ADGRV1: variants seen among roughly 807,000 people sequenced by gnomAD.
The protein encoded by ADGRV1 is adhesion G protein-coupled receptor V1.
A neutral mutation model predicts 596.2 loss-of-function variants in ADGRV1; 359 were observed. The observed-to-expected ratio is 0.60, with a 90% CI of 0.55 to 0.66. The LOEUF is 0.66. Ranked by LOEUF, ADGRV1 falls within the 30% of genes least tolerant of loss-of-function variation. ADGRV1 has a pLI of 0.00. For synonymous variants in ADGRV1, 2,681 were observed against 2,679.2 expected (o/e 1.00, Z -0.02); for missense variants, 7,274 against 7,575.6 (o/e 0.96, Z 1.48).
rs1486650258 is a variant in ADGRV1 at position 90,642,735 on chromosome 5, T to C, written c.2340T>C (p.Pro780=). 4.3e-6 allele frequency: 7 copies of C among 1,613,460 alleles called. No individual in the cohort carries two copies. Among genetic ancestry groups the C allele is most frequent in the Non-Finnish European group, 5.9e-6 (7 of 1,179,598 alleles). ...DDPGGVFEFS[P]ASRGPYVIKE... ...CTGGGGGAGTTTTTGAATTTTCTCCTGCTTCCAGAGGACCCTATGTTATAA... is the reference window on the plus strand; with the variant it reads ...CTGGGGGAGTTTTTGAATTTTCTCCCGCTTCCAGAGGACCCTATGTTATAA... The change falls in exon 12 of 90, where the codon CCT becomes CCC. Residue 780 remains proline, a synonymous_variant. Coordinates refer to ENST00000405460, the MANE Select transcript of ADGRV1 (RefSeq NM_032119.4).
intron 21 of ADGRV1, among the ~76,000 whole-genome samples, chr5:90,663,794 G>T (rs1770814360): frequency 6.6e-6 from 1 of 151,918 alleles, no homozygotes; most frequent in South Asian, 2.1e-4. Flanking sequence ...TTTGTATAAG[G>T]TGTAAGGAAG....
intron 86 of ADGRV1, among the ~76,000 whole-genome samples, chr5:91,090,407 G>T (rs567727652): frequency 3.3e-5 from 5 of 152,072 alleles, no homozygotes; most frequent in Admixed American, 2.6e-4. Flanking sequence ...TTCTAGGCTT[G>T]TACCATTTTT....
chr5:91,129,710 G>C (rs1794052040), intron 87 of ADGRV1, among the ~76,000 whole-genome samples: 1 of 152,108 alleles, frequency 6.6e-6, no homozygotes, highest in Non-Finnish European at 1.5e-5. Flanking sequence ...CAACTATGTT[G>C]TTCTTTTCAA....
rs541012212 is a variant in ADGRV1 at position 91,150,553 on chromosome 5, T to C, written c.18624+332T>C. Among the ~76,000 whole-genome samples the C allele has an allele frequency of 7.2e-5, 11 of 152,330 alleles. 1 individual carries two copies. In the South Asian group the frequency reaches 2.1e-3, roughly 29 times the overall value. On this transcript the variant is annotated intron_variant, in intron 88 of 89. Transcript: ENST00000405460. The stretch of plus-strand genomic sequence containing the variant: ...ATTTCTTTCTTCAGAATCTTTCTAA[T>C]TTGACATGTCAGTGACTGGGTCTGC...
Position 90,790,889 on chromosome 5 carries a change from G to T in ADGRV1, c.14060G>T (p.Ser4687Ile), listed in dbSNP as rs377490177. 4.2e-5 allele frequency: 68 copies of T among 1,607,132 alleles called. No individual in the cohort carries two copies. The highest frequency in any genetic ancestry group is 5.8e-5 in the Non-Finnish European group (68 of 1,176,866). ...FGEIMVYWELSSEFDITEDFL... is the reference protein window; with the variant it reads ...FGEIMVYWELISEFDITEDFL... ...TTATTTTAGGTTTACTGGGAATTAAGTAGTGAGTTTGACATTACTGAAGAC... is the reference window on the plus strand; with the variant it reads ...TTATTTTAGGTTTACTGGGAATTAATTAGTGAGTTTGACATTACTGAAGAC... Residue 4687 changes from serine to isoleucine, a missense_variant, in exon 70 of 90, where the codon AGT becomes ATT. Physicochemically the swap from Ser to Ile is moderately radical, Grantham distance 142. Coordinates refer to ENST00000405460, the MANE Select transcript of ADGRV1 (RefSeq NM_032119.4).
At chr5:90,586,798 TTTG>T (rs1435343083) in intron 1 of ADGRV1, among the ~76,000 whole-genome samples, 1 of 152,220 alleles carries the variant, frequency 6.6e-6, no homozygotes, top group African/African-American at 2.4e-5. Context: ...TCCCATTATC[TTTG>T]TATCTAATTG....
Position 90,706,925 on chromosome 5 carries a change from C to G in ADGRV1, c.8730+531C>G, listed in dbSNP as rs182916007. 2.0e-3 allele frequency among the ~76,000 whole-genome samples: 308 copies of G among 151,870 alleles called. 2 individuals carry two copies. Among genetic ancestry groups the G allele is most frequent in the African/African-American group, 7.1e-3 (292 of 41,400 alleles). ...GGGTTTCTGTTCTTGTTTAGATAGACAGGCCTGCTGTTATGTATTTTATTA... is the reference window on the plus strand; with the variant it reads ...GGGTTTCTGTTCTTGTTTAGATAGAGAGGCCTGCTGTTATGTATTTTATTA... On this transcript the variant is annotated intron_variant, in intron 38 of 89. Coordinates refer to ENST00000405460, the MANE Select transcript of ADGRV1 (RefSeq NM_032119.4).
At chr5:91,000,929 A>G (rs556838919) in intron 85 of ADGRV1, among the ~76,000 whole-genome samples, 21 of 152,220 alleles carry the variant, frequency 1.4e-4, no homozygotes, top group Admixed American at 5.9e-4. Context: ...CCTTCAACTA[A>G]TTGGATAAGG....
At chr5:91,036,404 A>C (rs1784912115) in intron 85 of ADGRV1, among the ~76,000 whole-genome samples, 1 of 150,682 alleles carries the variant, frequency 6.6e-6, no homozygotes, top group Admixed American at 6.6e-5. Flanking sequence ...CTAAAAATAC[A>C]AAAAAAAATT....
intron 83 of ADGRV1, among the ~76,000 whole-genome samples, chr5:90,897,972 A>G (rs34627906): frequency 0.17 from 25,597 of 152,130 alleles, 2,933 homozygotes; most frequent in East Asian, 0.41. Flanking sequence ...TCCAAATTTC[A>G]GAGTCTTTGC....
intron 82 of ADGRV1, among the ~76,000 whole-genome samples, chr5:90,857,888 AC>A (rs1372180052): frequency 6.6e-6 from 1 of 152,230 alleles, no homozygotes; most frequent in East Asian, 1.9e-4. Flanking sequence ...CTTGGCTAGT[AC>A]TTTTCCTGAA....
chr5:91,069,600 CA>C (rs1342634042), intron 85 of ADGRV1, among the ~76,000 whole-genome samples: 1 of 151,962 alleles, frequency 6.6e-6, no homozygotes, highest in Non-Finnish European at 1.5e-5. Flanking sequence ...ATTAAAAAGC[CA>C]AAAAACAACA....
intron 56 of ADGRV1, 87 bp downstream of exon 56, chr5:90,756,717 T>A: frequency 8.8e-7 from 1 of 1,140,054 alleles, no homozygotes. Flanking sequence ...TTTGCCTGTA[T>A]TTATTTTTAA....
Position 90,591,379 on chromosome 5 carries a change from C to G in ADGRV1, c.23-23456C>G, listed in dbSNP as rs148997483. Among the ~76,000 whole-genome samples the G allele has an allele frequency of 2.6e-3, 401 of 151,972 alleles. 1 individual carries two copies. The highest frequency in any genetic ancestry group is 8.7e-3 in the African/African-American group (362 of 41,432). ...CCACTGCACTCCAGCCTGGGCAACA[C>G]AGCAAGACTCTGTCTCAAAAAAAAT... On this transcript the variant is annotated intron_variant, in intron 1 of 89. Coordinates refer to ENST00000405460, the MANE Select transcript of ADGRV1 (RefSeq NM_032119.4).
At chr5:90,673,586 A>G (rs1194692953) in intron 22 of ADGRV1, among the ~76,000 whole-genome samples, 1 of 152,004 alleles carries the variant, frequency 6.6e-6, no homozygotes, top group Non-Finnish European at 1.5e-5. Context: ...GTGCCTGTAG[A>G]TTCTGTGTCT....
intron 85 of ADGRV1, among the ~76,000 whole-genome samples, chr5:91,011,551 T>C (rs189134468): frequency 1.3e-5 from 2 of 152,116 alleles, no homozygotes; most frequent in Admixed American, 1.3e-4. Context: ...CAGAATACTT[T>C]TGTAGACACT....
chr5:90,854,542 C>G (rs1287750947), intron 81 of ADGRV1, among the ~76,000 whole-genome samples: 3 of 152,152 alleles, frequency 2.0e-5, no homozygotes, highest in Non-Finnish European at 4.4e-5. Context: ...CCCTTTCCAT[C>G]TGGGCTTGTG....
Position 91,163,814 on chromosome 5 carries a change from G to T in ADGRV1, c.18835G>T (p.Gly6279Cys). The T allele has an allele frequency of 6.3e-7, 1 of 1,595,318 alleles. No homozygotes were observed. Among genetic ancestry groups the T allele is most frequent in the Non-Finnish European group, 8.6e-7 (1 of 1,166,796 alleles). ...TCTCAGTGTCAGTGATAATGAATCT[G>T]GTCAAGGCAGCCAGGAGGGGGGCAC... is the stretch of plus-strand genomic sequence containing the variant. Reference protein sequence around the residue: ...AGLSVSDNESGQGSQEGGTLT... With the variant: ...AGLSVSDNESCQGSQEGGTLT... The change falls in exon 90 of 90, where the codon GGT becomes TGT. Residue 6279 changes from glycine to cysteine, a missense_variant. Physicochemically the swap from Gly to Cys is radical, Grantham distance 159. Around this residue, in one of 5 missense-constraint regions of ADGRV1, gnomAD observed 1,874 missense variants for 1,970.2 expected, o/e 0.95. Coordinates refer to ENST00000405460, the MANE Select transcript of ADGRV1 (RefSeq NM_032119.4).
At chr5:90,595,096 A>G (rs112317906) in intron 1 of ADGRV1, among the ~76,000 whole-genome samples, 3,080 of 105,664 alleles carry the variant, frequency 0.029, 10 homozygotes, top group African/African-American at 0.077. Flanking sequence ...CGGACGGGGC[A>G]GCTGGCCGGG....
Sources: allele counts gnomAD v4.1 joint callset (sites outside exome capture counted in the v4.1 genomes callset), GRCh38; gene constraint gnomAD v4.1.1; regional missense constraint gnomAD v4.1.1; transcripts MANE v1.5; gene names NCBI Gene and HGNC (gene_info 2026-07-23, HGNC 2026-07-21).